The following INTS14 variants were observed in gnomAD, a reference collection of about 807,000 sequenced individuals.
INTS14 encodes the protein integrator complex subunit 14, also known as UPF0464 protein C15orf44.
Under a neutral mutation model 56.9 loss-of-function variants are expected in INTS14, and 27 were observed. The ratio of observed to expected loss-of-function variants is 0.47; its 90% confidence interval spans 0.35 to 0.65. The LOEUF (loss-of-function observed/expected upper bound fraction) is 0.65, where lower values mean the gene tolerates loss of function less well. INTS14 is among the 30% of genes least tolerant of loss of function. The pLI, the probability that INTS14 is intolerant of heterozygous loss-of-function variation, is 0.00. For synonymous variants in INTS14, 207 were observed against 236.2 expected, an observed-to-expected ratio of 0.88 and a Z score of 1.13; for missense variants, 517 against 632.2, an observed-to-expected ratio of 0.82 and a Z score of 1.95.
chr15:65,599,674 G>C, intron 4 of INTS14, 100 bp downstream of exon 4: 1 of 1,268,474 alleles, frequency 7.9e-7, no homozygotes, highest in South Asian at 1.8e-5. Flanking sequence ...GGAGTTCAAT[G>C]CTACAGTATA....
chr15:65,595,620 G>T, intron 7 of INTS14, 113 bp downstream of exon 7: 1 of 778,180 alleles, frequency 1.3e-6, no homozygotes, highest in Non-Finnish European at 2.1e-6. Flanking sequence ...ATCCAATTCT[G>T]TAACTATTCC....
intron 1 of INTS14, among the ~76,000 whole-genome samples, chr15:65,609,134 G>A (rs1350827392): frequency 6.6e-6 from 1 of 152,052 alleles, no homozygotes; most frequent in African/African-American, 2.4e-5. Context: ...TGGCCAGGCT[G>A]GTCTCGAACT....
rs546589021 is a variant in INTS14 at position 65,597,536 on chromosome 15, C to A, written c.748+785G>T. Among the ~76,000 whole-genome samples, 4 of 152,314 alleles carry A rather than the reference C, an allele frequency of 2.6e-5. No individual in the cohort carries two copies. In the South Asian group the frequency reaches 8.3e-4, roughly 32 times the overall value. On this transcript the variant is annotated intron_variant, in intron 6 of 11. Transcript: ENST00000313182. The stretch of plus-strand genomic sequence containing the variant: ...TCAGTTAAGCATAGTATTGGCAACA[C>A]GAACCAGGTAAAAGCTGTGGTACAT...
chr15:65,600,079 A>ACT, intron 3 of INTS14, 150 bp from the exon 4 acceptor site: 1 of 810,926 alleles, frequency 1.2e-6, no homozygotes, highest in Non-Finnish European at 1.9e-6. Flanking sequence ...AGGCCAAGGC[A>ACT]GGACTGCTTA....
At position 65,590,470 on chromosome 15, in the gene INTS14, T is replaced by C. The variant is rs548097139; in HGVS notation, c.1120+1128A>G. Among the ~76,000 whole-genome samples, 3 of 152,318 alleles carry C rather than the reference T, an allele frequency of 2.0e-5. No homozygotes were observed. In the South Asian group the frequency reaches 6.2e-4, roughly 32 times the overall value. Reference sequence around the variant, plus strand: ...CACTCTAGCTACTACCAATCTCCAATCTACCATCTGCCCCTCCCACACCCA... The same window carrying C: ...CACTCTAGCTACTACCAATCTCCAACCTACCATCTGCCCCTCCCACACCCA... On this transcript the variant is annotated intron_variant, in intron 9 of 11. Coordinates refer to ENST00000313182, the MANE Select transcript of INTS14 (RefSeq NM_001394796.1).
At chr15:65,585,520 C>T (rs1176239813) in intron 9 of INTS14, among the ~76,000 whole-genome samples, 2 of 151,934 alleles carry the variant, frequency 1.3e-5, no homozygotes, top group African/African-American at 4.8e-5. Flanking sequence ...TGAAGCATAC[C>T]CCAATATGGC....
In INTS14 at chr15:65,598,475, T is replaced by C; in HGVS notation, c.606-12A>G. The C allele has an allele frequency of 3.1e-6, 5 of 1,611,552 alleles. No homozygotes were observed. Among genetic ancestry groups the C allele is most frequent in the Non-Finnish European group, 4.2e-6 (5 of 1,178,234 alleles). ...AATCTATCAGTTTTCTAGAATATGATAATTAATAGTTATAGGAAGAGTAAT... is the reference window on the plus strand; with the variant it reads ...AATCTATCAGTTTTCTAGAATATGACAATTAATAGTTATAGGAAGAGTAAT... On this transcript the variant is annotated splice_polypyrimidine_tract_variant and intron_variant, in intron 5 of 11. Transcript: ENST00000313182.
chr15:65,608,389 A>AT (rs375872963), intron 1 of INTS14, among the ~76,000 whole-genome samples: 1 of 145,946 alleles, frequency 6.9e-6, no homozygotes, highest in Non-Finnish European at 1.5e-5. Flanking sequence ...AAAAAAAAAA[A>AT]TTTATACAGC....
rs2073931004 is a variant in INTS14 at position 65,611,130 on chromosome 15, A to G, written c.-95T>C. On this transcript the variant is annotated 5_prime_UTR_variant, in exon 1 of 12. An upstream start codon of the reference 5' UTR is lost. Coordinates refer to ENST00000313182, the MANE Select transcript of INTS14 (RefSeq NM_001394796.1). ...CCATCGCCGGACACAGTCCGTCGGC[A>G]TAAACTTTCCGTCGGCATAAACTTT... The G allele has an allele frequency of 6.5e-7, 1 of 1,534,846 alleles. No homozygotes were observed. Among genetic ancestry groups the G allele is most frequent in the South Asian group, 1.2e-5 (1 of 83,502 alleles).
chr15:65,589,669 T>C (rs755275189), intron 9 of INTS14, among the ~76,000 whole-genome samples: 2 of 152,246 alleles, frequency 1.3e-5, no homozygotes, highest in Non-Finnish European at 2.9e-5. Flanking sequence ...ACCATGATTC[T>C]AGATTCTACT....
chr15:65,600,046 G>A lies in INTS14; in HGVS notation c.331-117C>T. 2.6e-6 allele frequency: 3 copies of A among 1,151,332 alleles called. No individual in the cohort carries two copies. The South Asian group carries it at 5.0e-5, about 19-fold the overall frequency. The allele number at this position is 1,151,332 out of a possible 1,614,324, so 71.3% of individuals were successfully genotyped here. A position where few individuals can be genotyped will look rare whatever the true frequency, so the allele number is the denominator to read the frequency against. Reference sequence around the variant, plus strand: ...ACCAGGGCTGGCTATGGTGGCTCAAGCCTGTAATCCCAGTGCTTTGGGAGG... The same window carrying A: ...ACCAGGGCTGGCTATGGTGGCTCAAACCTGTAATCCCAGTGCTTTGGGAGG... On this transcript the variant is annotated intron_variant, in intron 3 of 11. Coordinates refer to ENST00000313182, the MANE Select transcript of INTS14 (RefSeq NM_001394796.1).
intron 9 of INTS14, among the ~76,000 whole-genome samples, chr15:65,585,453 A>G (rs1180387107): frequency 2.0e-5 from 3 of 152,214 alleles, no homozygotes; most frequent in African/African-American, 7.2e-5. Flanking sequence ...TTAAAAAGGA[A>G]AACTATATAT....
At chr15:65,593,890 T>C (rs2073119291) in intron 7 of INTS14, among the ~76,000 whole-genome samples, 1 of 152,210 alleles carries the variant, frequency 6.6e-6, no homozygotes. Context: ...ACAGGGTTTC[T>C]TTTTGGGGTT....
intron 3 of INTS14, 36 bp downstream of exon 3, chr15:65,605,093 G>A (rs746820672): frequency 3.5e-5 from 53 of 1,515,150 alleles, no homozygotes; most frequent in Non-Finnish European, 4.4e-5. Context: ...GGTTAATGTT[G>A]TTAACTTAGG....
chr15:65,604,683 T>C (rs2073578442), intron 3 of INTS14, among the ~76,000 whole-genome samples: 1 of 139,680 alleles, frequency 7.2e-6, no homozygotes, highest in South Asian at 2.2e-4. Flanking sequence ...TGAGCCATAA[T>C]AGCTCCACTG....
chr15:65,609,267 A>G (rs1170852820), intron 1 of INTS14, among the ~76,000 whole-genome samples: 3 of 152,132 alleles, frequency 2.0e-5, no homozygotes, highest in Non-Finnish European at 2.9e-5. Flanking sequence ...TTCCATTTGT[A>G]AGTAGGCTGT....
At chr15:65,591,159 G>C (rs1214656778) in intron 9 of INTS14, among the ~76,000 whole-genome samples, 4 of 152,000 alleles carry the variant, frequency 2.6e-5, no homozygotes, top group African/African-American at 7.2e-5. Flanking sequence ...GAGGCAAGGA[G>C]AAGAAAAGAC....
At chr15:65,606,555 C>T (rs1361707777) in intron 2 of INTS14, among the ~76,000 whole-genome samples, 1 of 152,028 alleles carries the variant, frequency 6.6e-6, no homozygotes, top group Non-Finnish European at 1.5e-5. Context: ...ACACCTGGCC[C>T]ACAAACACTT....
At chr15:65,582,123 C>T (rs1444879578) in intron 10 of INTS14, 104 bp from the exon 11 acceptor site, 3 of 989,320 alleles carry the variant, frequency 3.0e-6, no homozygotes, top group African/African-American at 3.3e-5. Flanking sequence ...AAAATGAGAA[C>T]ACAGCTACAA....
Sources: gnomAD v4.1 joint callset for allele counts (sites outside exome capture counted in the v4.1 genomes callset) on GRCh38, gnomAD v4.1.1 for gene constraint, MANE v1.5 for transcripts, NCBI Gene and HGNC (gene_info 2026-07-23, HGNC 2026-07-21) for gene names.